FHIT: variants seen among roughly 807,000 people sequenced by gnomAD.
FHIT encodes the protein fragile histidine triad diadenosine triphosphatase.
In FHIT, 19 loss-of-function variants were observed where a neutral mutation model predicts 17.9. The ratio of observed to expected loss-of-function variants is 1.06; its 90% CI spans 0.74 to 1.56. FHIT has a LOEUF of 1.56. Among genes scored for constraint, FHIT ranks in the 40% most tolerant of loss-of-function variants. The pLI, the probability that FHIT is intolerant of heterozygous loss-of-function variation, is 0.00. For synonymous variants in FHIT, 81 were observed against 69.7 expected, an observed-to-expected ratio of 1.16 and a Z score of -0.81; for missense variants, 248 against 189.2, an observed-to-expected ratio of 1.31 and a Z score of -1.82.
intron 5 of FHIT, among the ~76,000 whole-genome samples, chr3:60,220,970 T>C (rs1434660064): frequency 1.3e-5 from 2 of 152,154 alleles, no homozygotes; most frequent in Non-Finnish European, 2.9e-5. Flanking sequence ...TCACAGCATG[T>C]GTCATTATGG....
chr3:60,645,250 A>G (rs2107797708), intron 4 of FHIT, among the ~76,000 whole-genome samples: 1 of 152,238 alleles, frequency 6.6e-6, no homozygotes, highest in South Asian at 2.1e-4. Context: ...CTTGACAAAA[A>G]CTGGGAAATA....
rs186027643 is a variant in FHIT at position 60,151,938 on chromosome 3, A to T, written c.104-137786T>A. Among the ~76,000 whole-genome samples the T allele has an allele frequency of 3.3e-5, 5 of 152,300 alleles. No homozygotes were observed. The South Asian group carries it at 6.2e-4, about 19-fold the overall frequency. On this transcript the variant is annotated intron_variant, in intron 5 of 9. Transcript: ENST00000492590. Reference sequence around the variant, plus strand: ...GCTGATTATCCATCTTATCCACTGAAATATAATCCCTATGGGCACAAGTAC... The same window carrying T: ...GCTGATTATCCATCTTATCCACTGATATATAATCCCTATGGGCACAAGTAC...
At chr3:60,490,047 T>C (rs1332878134) in intron 5 of FHIT, among the ~76,000 whole-genome samples, 1 of 152,096 alleles carries the variant, frequency 6.6e-6, no homozygotes, top group Admixed American at 6.6e-5. Context: ...AATTTCAAAA[T>C]ACAGGGACAT....
intron 1 of FHIT, among the ~76,000 whole-genome samples, chr3:61,231,326 T>G (rs181484334): frequency 1.3e-5 from 2 of 152,042 alleles, no homozygotes; most frequent in African/African-American, 4.8e-5. Flanking sequence ...ACCCCATTTC[T>G]ACAAAAAGTT....
chr3:61,109,043 T>C (rs544206090), intron 2 of FHIT, among the ~76,000 whole-genome samples: 1 of 152,326 alleles, frequency 6.6e-6, no homozygotes, highest in Non-Finnish European at 1.5e-5. Context: ...TGACTTAAAA[T>C]CACACTAAGT....
At chr3:60,577,163 A>T (rs2037598120) in intron 4 of FHIT, among the ~76,000 whole-genome samples, 1 of 152,122 alleles carries the variant, frequency 6.6e-6, no homozygotes, top group Admixed American at 6.6e-5. Flanking sequence ...ACCTATCATA[A>T]ACATGAGGTT....
chr3:60,998,241 G>C (rs2030813642), intron 3 of FHIT, among the ~76,000 whole-genome samples: 1 of 152,246 alleles, frequency 6.6e-6, no homozygotes, highest in Non-Finnish European at 1.5e-5. Context: ...TCTGGATAGA[G>C]AGTAGCAGCT....
chr3:60,628,503 T>C (rs2039354056), intron 4 of FHIT, among the ~76,000 whole-genome samples: 1 of 152,236 alleles, frequency 6.6e-6, no homozygotes, highest in Non-Finnish European at 1.5e-5. Flanking sequence ...ATAATCATTC[T>C]ATTGTTTTGA....
At chr3:60,483,441 C>A (rs1416649729) in intron 5 of FHIT, among the ~76,000 whole-genome samples, 1 of 152,152 alleles carries the variant, frequency 6.6e-6, no homozygotes, top group Non-Finnish European at 1.5e-5. Context: ...AAAATACTGG[C>A]AAACCAAATC....
chr3:60,012,269 T>G lies in FHIT; in HGVS notation c.250-869A>C, dbSNP rs545895733. ...TAAATCAGGTGTTTTTTTTGTTGTT[T>G]TTTTTTTTTTTTTTTTTGAGAAAGG... is the stretch of plus-strand genomic sequence containing the variant. On this transcript the variant is annotated intron_variant, in intron 6 of 9. Coordinates refer to ENST00000492590, the MANE Select transcript of FHIT (RefSeq NM_002012.4). Among the ~76,000 whole-genome samples the G allele has an allele frequency of 2.2e-3, 321 of 143,512 alleles. 2 individuals are homozygous for G. Among genetic ancestry groups the G allele is most frequent in the African/African-American group, 8.0e-3 (294 of 36,968 alleles). The allele number at this position is 143,512 out of a possible 152,430, so 94.1% of individuals were successfully genotyped here.
At chr3:60,901,436 G>A (rs1706106913) in intron 3 of FHIT, among the ~76,000 whole-genome samples, 2 of 152,192 alleles carry the variant, frequency 1.3e-5, no homozygotes, top group South Asian at 4.1e-4. Context: ...AGTGAAAGAA[G>A]TATGTGGCAG....
chr3:59,951,754 C>T (rs1003207902), intron 7 of FHIT, among the ~76,000 whole-genome samples: 5 of 152,126 alleles, frequency 3.3e-5, no homozygotes, highest in Admixed American at 1.3e-4. Context: ...CATGGAAAGC[C>T]TCTTCATTGA....
At chr3:60,441,628 G>C (rs899540391) in intron 5 of FHIT, among the ~76,000 whole-genome samples, 2 of 148,306 alleles carry the variant, frequency 1.3e-5, no homozygotes, top group Non-Finnish European at 3.0e-5. Context: ...TTAGGCTATT[G>C]TCTTATAAAA....
chr3:60,070,114 T>G (rs1289462693), intron 5 of FHIT, among the ~76,000 whole-genome samples: 1 of 152,122 alleles, frequency 6.6e-6, no homozygotes, highest in Admixed American at 6.5e-5. Context: ...ACCAACTTGG[T>G]GGCCACATCC....
At chr3:60,002,440 A>T (rs1485919737) in intron 7 of FHIT, among the ~76,000 whole-genome samples, 2 of 152,174 alleles carry the variant, frequency 1.3e-5, no homozygotes, top group South Asian at 2.1e-4. Context: ...GATCTATTAG[A>T]CAATAAGGTA....
At chr3:61,126,285 C>T (rs1342446674) in intron 2 of FHIT, among the ~76,000 whole-genome samples, 1 of 152,060 alleles carries the variant, frequency 6.6e-6, no homozygotes, top group Non-Finnish European at 1.5e-5. Context: ...CCTTTGGGGT[C>T]TTCTTTGTAG....
At chr3:60,788,790 T>C (rs1184427919) in intron 4 of FHIT, among the ~76,000 whole-genome samples, 2 of 152,266 alleles carry the variant, frequency 1.3e-5, no homozygotes, top group South Asian at 4.1e-4. Flanking sequence ...ATTTGTGGCC[T>C]CCTATCGTGT....
intron 8 of FHIT, among the ~76,000 whole-genome samples, chr3:59,780,369 A>G (rs961274936): frequency 3.3e-5 from 5 of 152,252 alleles, no homozygotes; most frequent in Admixed American, 2.6e-4. Flanking sequence ...TACAGTGAAC[A>G]GTCCAAGCTA....
chr3:60,146,549 C>T (rs967130187), intron 5 of FHIT, among the ~76,000 whole-genome samples: 1 of 152,058 alleles, frequency 6.6e-6, no homozygotes, highest in Non-Finnish European at 1.5e-5. Context: ...TTGGATCTGC[C>T]CTCTTAAAAC....
Sources: gnomAD v4.1 joint callset for allele counts (sites outside exome capture counted in the v4.1 genomes callset) on GRCh38, gnomAD v4.1.1 for gene constraint, MANE v1.5 for transcripts, NCBI Gene and HGNC (gene_info 2026-07-23, HGNC 2026-07-21) for gene names.